Variants in PPP1R9A observed in about 807,000 individuals in gnomAD.
PPP1R9A encodes protein phosphatase 1 regulatory subunit 9A.
In PPP1R9A, 59 loss-of-function variants were observed where a neutral mutation model predicts 141.9. The observed-to-expected ratio is 0.42, with a 90% CI of 0.34 to 0.52. The LOEUF (loss-of-function observed/expected upper bound fraction) is 0.52. PPP1R9A is among the 20% of genes least tolerant of loss of function. The pLI, the probability that PPP1R9A is intolerant of heterozygous loss-of-function variation, is 0.10. For synonymous variants in PPP1R9A, 500 were observed against 569.7 expected, an observed-to-expected ratio of 0.88 and a Z score of 1.74; for missense variants, 1,444 against 1,611.9, an observed-to-expected ratio of 0.90 and a Z score of 1.78.
chr7:94,924,534 T>C (rs1223457006), intron 2 of PPP1R9A, among the ~76,000 whole-genome samples: 2 of 152,178 alleles, frequency 1.3e-5, no homozygotes, highest in African/African-American at 4.8e-5. Flanking sequence ...GACTGCATTA[T>C]TAGCATTTTT....
At chr7:95,215,145 G>A (rs867421066) in intron 7 of PPP1R9A, among the ~76,000 whole-genome samples, 19 of 110,650 alleles carry the variant, frequency 1.7e-4, no homozygotes, top group African/African-American at 5.9e-4. Flanking sequence ...AACAGGCCCC[G>A]GTGTGTGATG....
rs141057924 is a variant in PPP1R9A at position 95,287,834 on chromosome 7, C to T, written c.3730-702C>T. Among the ~76,000 whole-genome samples, 273 of 152,160 alleles carry T rather than the reference C, an allele frequency of 1.8e-3. 1 individual carries two copies. Among genetic ancestry groups the T allele is most frequent in the Middle Eastern group, 0.014 (4 of 294 alleles). On this transcript the variant is annotated intron_variant, in intron 18 of 19. Transcript: ENST00000433360. Reference sequence around the variant, plus strand: ...TCGAATAACTGGGATTACAGGCATGCGCCACCACCACACTGGCTAATTTTT... The same window carrying T: ...TCGAATAACTGGGATTACAGGCATGTGCCACCACCACACTGGCTAATTTTT...
chr7:95,081,931 C>T (rs1815898682), intron 2 of PPP1R9A, among the ~76,000 whole-genome samples: 1 of 152,196 alleles, frequency 6.6e-6, no homozygotes, highest in Admixed American at 6.5e-5. Context: ...TTGAAACCAA[C>T]AGCCTGAAAT....
At chr7:94,911,869 T>C (rs1791487917) in intron 2 of PPP1R9A, among the ~76,000 whole-genome samples, 1 of 152,188 alleles carries the variant, frequency 6.6e-6, no homozygotes, top group South Asian at 2.1e-4. Flanking sequence ...TATTCATAAA[T>C]AATATTTTCT....
At chr7:95,083,589 AGTGGTTCCAG>A (rs920825718) in intron 2 of PPP1R9A, among the ~76,000 whole-genome samples, 1 of 151,922 alleles carries the variant, frequency 6.6e-6, no homozygotes. Flanking sequence ...TAGGAAACAT[AGTGGTTCCAG>A]GTGGTTCCAG....
intron 14 of PPP1R9A, among the ~76,000 whole-genome samples, chr7:95,272,142 G>C (rs1190067604): frequency 1.3e-5 from 2 of 152,164 alleles, no homozygotes; most frequent in Non-Finnish European, 2.9e-5. Flanking sequence ...GGGTTACAGA[G>C]TGTTTTCGTG....
intron 8 of PPP1R9A, among the ~76,000 whole-genome samples, chr7:95,226,823 A>G (rs1412455587): frequency 2.0e-5 from 3 of 152,204 alleles, no homozygotes; most frequent in Non-Finnish European, 4.4e-5. Flanking sequence ...AGAAGGGCCA[A>G]GAATAGAACC....
intron 2 of PPP1R9A, among the ~76,000 whole-genome samples, chr7:95,106,328 T>G (rs1819510216): frequency 2.0e-5 from 3 of 152,186 alleles, no homozygotes; most frequent in Admixed American, 2.0e-4. Context: ...TTTTACAACT[T>G]GGCAAGTGCT....
chr7:94,918,746 A>G (rs777391094), intron 2 of PPP1R9A, among the ~76,000 whole-genome samples: 6 of 152,184 alleles, frequency 3.9e-5, no homozygotes, highest in Non-Finnish European at 7.3e-5. Flanking sequence ...AAAAAAGAAT[A>G]TAGGAGACTT....
At chr7:95,067,862 A>G (rs893434030) in intron 2 of PPP1R9A, among the ~76,000 whole-genome samples, 7 of 152,132 alleles carry the variant, frequency 4.6e-5, no homozygotes, top group African/African-American at 1.7e-4. Flanking sequence ...AGTAAAAGCA[A>G]TTCCACAAAG....
At chr7:94,966,403 A>G (rs567841898) in intron 2 of PPP1R9A, among the ~76,000 whole-genome samples, 1 of 152,280 alleles carries the variant, frequency 6.6e-6, no homozygotes, top group East Asian at 1.9e-4. Context: ...CTGGTTTTCA[A>G]AGGGAATGCT....
chr7:95,247,726 A>G (rs1489078668), intron 9 of PPP1R9A, among the ~76,000 whole-genome samples, 200 bp downstream of exon 9: 2 of 151,980 alleles, frequency 1.3e-5, no homozygotes, highest in East Asian at 3.9e-4. Flanking sequence ...AAATAACACA[A>G]TATTTTAGAT....
chr7:95,162,586 T>G (rs188942394), intron 5 of PPP1R9A, among the ~76,000 whole-genome samples: 26 of 152,332 alleles, frequency 1.7e-4, no homozygotes, highest in Admixed American at 5.9e-4. Context: ...ATCAGGTCTT[T>G]TTTTTGCTTA....
chr7:94,943,767 C>G (rs993698025), intron 2 of PPP1R9A, among the ~76,000 whole-genome samples: 1 of 151,964 alleles, frequency 6.6e-6, no homozygotes, highest in African/African-American at 2.4e-5. Flanking sequence ...AACAAATAAC[C>G]CTCATTTCTA....
At chr7:95,244,447 T>C (rs1331822387) in intron 8 of PPP1R9A, among the ~76,000 whole-genome samples, 1 of 152,180 alleles carries the variant, frequency 6.6e-6, no homozygotes, top group Non-Finnish European at 1.5e-5. Context: ...ACCTGTTGTA[T>C]GTGAAAGGGC....
At chr7:95,223,874 G>A (rs928104777) in intron 7 of PPP1R9A, among the ~76,000 whole-genome samples, 1 of 151,902 alleles carries the variant, frequency 6.6e-6, no homozygotes, top group Non-Finnish European at 1.5e-5. Context: ...TTTTCAGCAA[G>A]GTATCTTGAG....
At chr7:94,930,332 G>A (rs575809086) in intron 2 of PPP1R9A, among the ~76,000 whole-genome samples, 1 of 152,008 alleles carries the variant, frequency 6.6e-6, no homozygotes, top group African/African-American at 2.4e-5. Flanking sequence ...CATAAAGGTT[G>A]CTAAACATTT....
At chr7:95,038,956 A>C (rs1277413239) in intron 2 of PPP1R9A, among the ~76,000 whole-genome samples, 1 of 152,174 alleles carries the variant, frequency 6.6e-6, no homozygotes, top group African/African-American at 2.4e-5. Flanking sequence ...AGCACCCTAC[A>C]GCAAACGTTA....
chr7:95,241,418 A>G (rs763953127), intron 8 of PPP1R9A, among the ~76,000 whole-genome samples: 2 of 152,156 alleles, frequency 1.3e-5, no homozygotes, highest in Non-Finnish European at 2.9e-5. Context: ...TGTCTCCCTG[A>G]TGTCAGAGGG....
Sources: allele counts gnomAD v4.1 joint callset (sites outside exome capture counted in the v4.1 genomes callset), GRCh38; gene constraint gnomAD v4.1.1; transcripts MANE v1.5; gene names NCBI Gene and HGNC (gene_info 2026-07-23, HGNC 2026-07-21).